DCDC1: variants seen among roughly 807,000 people sequenced by gnomAD.
DCDC1 encodes doublecortin domain-containing protein 1.
DCDC1 carries 200 observed loss-of-function variants against 178.3 expected under a neutral mutation model. The observed-to-expected ratio is 1.12, with a 90% confidence interval of 1.00 to 1.26. The LOEUF is 1.26. Ranked by LOEUF, DCDC1 falls within the 50% of genes most tolerant of loss-of-function variation. The probability of loss-of-function intolerance (pLI) is 0.00; values close to 1 mark genes in which losing one functional copy is unlikely to be tolerated. For missense variants in DCDC1, 1,983 were observed against 1,749.2 expected, an observed-to-expected ratio of 1.13 and a Z score of -2.38; for synonymous variants, 690 against 604.8, an observed-to-expected ratio of 1.14 and a Z score of -2.07.
At chr11:31,099,493 G>A (rs942547866) in intron 15 of DCDC1, among the ~76,000 whole-genome samples, 1 of 152,052 alleles carries the variant, frequency 6.6e-6, no homozygotes, top group Non-Finnish European at 1.5e-5. Flanking sequence ...CCCCATCTAC[G>A]CTGATGTAGC....
chr11:31,094,720 T>C (rs1316652722), intron 15 of DCDC1, among the ~76,000 whole-genome samples: 1 of 152,108 alleles, frequency 6.6e-6, no homozygotes, highest in Non-Finnish European at 1.5e-5. Flanking sequence ...AAAAGTAAAT[T>C]TGTCCAAACT....
intron 38 of DCDC1, among the ~76,000 whole-genome samples, chr11:30,871,888 A>G (rs988925290): frequency 1.3e-5 from 2 of 151,962 alleles, no homozygotes; most frequent in African/African-American, 2.4e-5. Context: ...GTATACATAT[A>G]TATACACATA....
chr11:30,870,650 C>T (rs1941460424), intron 38 of DCDC1, among the ~76,000 whole-genome samples: 1 of 152,208 alleles, frequency 6.6e-6, no homozygotes, highest in African/African-American at 2.4e-5. Context: ...CCAGTCTCTG[C>T]AACATCCACT....
At chr11:31,219,090 A>G (rs1407393919) in intron 9 of DCDC1, among the ~76,000 whole-genome samples, 2 of 152,078 alleles carry the variant, frequency 1.3e-5, no homozygotes, top group Non-Finnish European at 2.9e-5. Flanking sequence ...GTGCTAAAGA[A>G]GCACACACAC....
At chr11:31,008,592 G>T (rs565955107) in intron 20 of DCDC1, among the ~76,000 whole-genome samples, 9 of 152,042 alleles carry the variant, frequency 5.9e-5, no homozygotes. Context: ...CAGACATTCC[G>T]CCTCAGTTTC....
rs759780126 is a variant in DCDC1, at chr11:30,931,839, A to T, written c.2829T>A (p.Asn943Lys). 1.9e-6 allele frequency: 3 copies of T among 1,612,908 alleles called. No homozygotes were observed. The highest frequency in any genetic ancestry group is 2.7e-5 in the African/African-American group (2 of 74,878). Residue 943 changes from asparagine to lysine, a missense_variant, in exon 22 of 39, where the codon AAT becomes AAA. By Grantham distance (94) the Asn-to-Lys change is moderately conservative. Coordinates refer to ENST00000684477, the MANE Select transcript of DCDC1 (RefSeq NM_001387274.1). ...CGGATCTGTTTTTATTCTTCTCTCC[A>T]TTCTGCAAAACTCTGAGTCGCACAG... is the stretch of plus-strand genomic sequence containing the variant. The part of the protein sequence containing the change: ...YAPVRLRVLQ[N>K]GEKNKNRSVT...
chr11:31,094,871 G>T (rs1194738772), intron 15 of DCDC1, among the ~76,000 whole-genome samples: 9 of 151,968 alleles, frequency 5.9e-5, no homozygotes, highest in African/African-American at 2.2e-4. Flanking sequence ...GTATACACGT[G>T]CCATGGTGGT....
At chr11:31,045,442 A>G (rs997817518) in intron 20 of DCDC1, among the ~76,000 whole-genome samples, 2 of 150,118 alleles carry the variant, frequency 1.3e-5, no homozygotes, top group African/African-American at 4.9e-5. Context: ...TGTTACTCTT[A>G]CAGAGAAACA....
intron 21 of DCDC1, among the ~76,000 whole-genome samples, chr11:30,947,013 G>A (rs993057292): frequency 6.6e-6 from 1 of 152,128 alleles, no homozygotes; most frequent in African/African-American, 2.4e-5. Flanking sequence ...TACTTTTCCA[G>A]GATGTTACAA....
At chr11:30,874,502 G>A (rs1043017173) in intron 38 of DCDC1, among the ~76,000 whole-genome samples, 1 of 152,128 alleles carries the variant, frequency 6.6e-6, no homozygotes, top group Non-Finnish European at 1.5e-5. Flanking sequence ...AGGCCAAGAG[G>A]CAGGGAGGAA....
intron 10 of DCDC1, among the ~76,000 whole-genome samples, chr11:31,136,738 C>T (rs985367145): frequency 2.6e-5 from 4 of 152,126 alleles, no homozygotes; most frequent in African/African-American, 9.7e-5. Flanking sequence ...AATGCTTTTG[C>T]ATTCCAGGAA....
intron 11 of DCDC1, among the ~76,000 whole-genome samples, chr11:31,118,207 G>C (rs558808866): frequency 6.6e-6 from 1 of 152,242 alleles, no homozygotes; most frequent in South Asian, 2.1e-4. Context: ...CCCTTGGAAA[G>C]AGTGTATGCT....
chr11:30,892,869 A>C lies in DCDC1; in HGVS notation c.5031T>G (p.Asn1677Lys). Reference sequence around the variant, plus strand: ...AAGTGCCATCTTCAGGTCTGCCTCCATTTAGATAAATCCACACTCGTTTTG... The same window carrying C: ...AAGTGCCATCTTCAGGTCTGCCTCCCTTTAGATAAATCCACACTCGTTTTG... The part of the protein sequence containing the change: ...PNTKRVWIYL[N>K]GGRPEDGTYA... The change falls in exon 36 of 39, where the codon AAT (asparagine) becomes AAG (lysine). Residue 1677 changes from asparagine to lysine, a missense_variant. By Grantham distance (94) the Asn-to-Lys change is moderately conservative. Transcript: ENST00000684477. The C allele has an allele frequency of 6.2e-7, 1 of 1,613,888 alleles. No individual in the cohort carries two copies. The highest frequency in any genetic ancestry group is 8.5e-7 in the Non-Finnish European group (1 of 1,179,828).
intron 9 of DCDC1, among the ~76,000 whole-genome samples, chr11:31,239,417 T>C (rs986239754): frequency 1.3e-5 from 2 of 151,920 alleles, no homozygotes; most frequent in African/African-American, 2.4e-5. Context: ...CTCTAAACAT[T>C]CAAATAATTT....
At chr11:31,222,817 T>C (rs2136682517) in intron 9 of DCDC1, among the ~76,000 whole-genome samples, 1 of 152,254 alleles carries the variant, frequency 6.6e-6, no homozygotes, top group South Asian at 2.1e-4. Flanking sequence ...TATGACCTCA[T>C]TTAACATTAA....
At chr11:31,284,594 A>G (rs777494635) in intron 7 of DCDC1, among the ~76,000 whole-genome samples, 49 of 152,114 alleles carry the variant, frequency 3.2e-4, no homozygotes, top group Non-Finnish European at 6.5e-4. Flanking sequence ...TAATTTTAAT[A>G]AAAAACACAG....
chr11:31,129,311 AT>A (rs1159684891), intron 10 of DCDC1, among the ~76,000 whole-genome samples: 1 of 152,022 alleles, frequency 6.6e-6, no homozygotes, highest in Non-Finnish European at 1.5e-5. Flanking sequence ...AATGATTCCT[AT>A]TTTACTTTCT....
intron 9 of DCDC1, among the ~76,000 whole-genome samples, chr11:31,213,099 GCCTCTCTCTCTCTCTCTCTCTCTCTC>G (rs1565441632): frequency 2.4e-4 from 7 of 29,458 alleles, no homozygotes; most frequent in Non-Finnish European, 4.6e-4. Context: ...ATAAAGCCCA[GCCTCTCTCTCTCTCTCTCTCTCTCTC>G]TCTCTCTCTC....
At position 30,901,193 on chromosome 11, in the gene DCDC1, G is replaced by C. The variant is rs1944643902; in HGVS notation, c.4511-695C>G. Among the ~76,000 whole-genome samples, 2 of 151,868 alleles carry C rather than the reference G, an allele frequency of 1.3e-5. 1 individual carries two copies. Among genetic ancestry groups the C allele is most frequent in the Admixed American group, 1.3e-4 (2 of 15,238 alleles). Reference sequence around the variant, plus strand: ...GAGATCTGAGAAAAATTCATTTAAGGGTCCTCATAAAGAGCCTATTCGTGA... The same window carrying C: ...GAGATCTGAGAAAAATTCATTTAAGCGTCCTCATAAAGAGCCTATTCGTGA... On this transcript the variant is annotated intron_variant, in intron 32 of 38. Coordinates refer to ENST00000684477, the MANE Select transcript of DCDC1 (RefSeq NM_001387274.1).
Sources: allele counts gnomAD v4.1 joint callset (sites outside exome capture counted in the v4.1 genomes callset), GRCh38; gene constraint gnomAD v4.1.1; transcripts MANE v1.5; gene names NCBI Gene and HGNC (gene_info 2026-07-23, HGNC 2026-07-21).